CNTNAP5: variants seen among roughly 807,000 people sequenced by gnomAD.
CNTNAP5 encodes the protein contactin associated protein family member 5.
A neutral mutation model predicts 150.2 loss-of-function variants in CNTNAP5; 72 were observed. The ratio of observed to expected loss-of-function variants is 0.48; its 90% CI spans 0.40 to 0.58. The LOEUF (loss-of-function observed/expected upper bound fraction) is 0.58. Ranked by LOEUF, CNTNAP5 falls within the 20% of genes least tolerant of loss-of-function variation. CNTNAP5 has a pLI of 0.00. For missense variants in CNTNAP5, 1,636 were observed against 1,626.2 expected, an observed-to-expected ratio of 1.01 and a Z score of -0.10; for synonymous variants, 672 against 619.8, an observed-to-expected ratio of 1.08 and a Z score of -1.25.
rs1188300838 is a variant in CNTNAP5, at chr2:124,811,054, C to T, written c.3217+12734C>T. Among the ~76,000 whole-genome samples the T allele has an allele frequency of 3.9e-5, 6 of 152,108 alleles. No homozygotes were observed. The South Asian group carries it at 1.0e-3, about 26-fold the overall frequency. On this transcript the variant is annotated intron_variant, in intron 19 of 23. Coordinates refer to ENST00000682447, the MANE Select transcript of CNTNAP5 (RefSeq NM_001367498.1). ...AGAAAAGTCTGCAAGTAACAAATAC[C>T]AGCTTTATCACTTGCATGCATATAT...
At chr2:124,585,668 G>GTTT (rs1558964959) in intron 11 of CNTNAP5, among the ~76,000 whole-genome samples, 12 of 89,646 alleles carry the variant, frequency 1.3e-4, no homozygotes, top group African/African-American at 4.7e-4. Context: ...AGAGCTTGAA[G>GTTT]CTTTTTTTTT....
At chr2:124,637,347 T>C (rs552280001) in intron 12 of CNTNAP5, among the ~76,000 whole-genome samples, 2 of 152,288 alleles carry the variant, frequency 1.3e-5, no homozygotes, top group East Asian at 3.9e-4. Context: ...AGTTGTTAAA[T>C]AAAATATCCC....
chr2:124,483,798 C>T (rs534935067), intron 7 of CNTNAP5, among the ~76,000 whole-genome samples: 78 of 152,340 alleles, frequency 5.1e-4, no homozygotes, highest in Non-Finnish European at 9.4e-4. Flanking sequence ...CCTCTCTGCT[C>T]TCAGAAATTA....
intron 1 of CNTNAP5, among the ~76,000 whole-genome samples, chr2:124,125,161 G>T (rs1683658387): frequency 6.6e-6 from 1 of 152,130 alleles, no homozygotes; most frequent in Non-Finnish European, 1.5e-5. Context: ...CTGTATTCAG[G>T]AGACCCCTCT....
intron 8 of CNTNAP5, among the ~76,000 whole-genome samples, chr2:124,508,491 A>C (rs1485848742): frequency 6.6e-6 from 1 of 152,196 alleles, no homozygotes; most frequent in Non-Finnish European, 1.5e-5. Context: ...AATACAAGGA[A>C]GGCCCTGGCA....
chr2:124,495,569 C>A (rs1694123114), intron 7 of CNTNAP5, among the ~76,000 whole-genome samples: 3 of 152,168 alleles, frequency 2.0e-5, no homozygotes, highest in African/African-American at 7.2e-5. Flanking sequence ...TGTCCATGCA[C>A]CATGGCCATT....
At chr2:124,472,885 A>G (rs80351703) in intron 6 of CNTNAP5, among the ~76,000 whole-genome samples, 19,935 of 151,996 alleles carry the variant, frequency 0.13, 1,661 homozygotes, top group Non-Finnish European at 0.19. Flanking sequence ...CACAGGGCTG[A>G]CGCAAATCTT....
chr2:124,535,467 ACATT>A (rs1434302707), intron 10 of CNTNAP5, among the ~76,000 whole-genome samples: 2 of 152,106 alleles, frequency 1.3e-5, no homozygotes, highest in Admixed American at 1.3e-4. Flanking sequence ...TCTCCCACAC[ACATT>A]CATTTAAGAA....
At chr2:124,864,573 TCACACACA>T (rs10531893) in intron 19 of CNTNAP5, among the ~76,000 whole-genome samples, 7 of 149,958 alleles carry the variant, frequency 4.7e-5, no homozygotes, top group African/African-American at 1.2e-4. Flanking sequence ...TCTCTGTGTC[TCACACACA>T]CACACACACA....
intron 1 of CNTNAP5, among the ~76,000 whole-genome samples, chr2:124,031,104 C>CA (rs58734758): frequency 6.6e-5 from 10 of 151,944 alleles, no homozygotes; most frequent in South Asian, 2.1e-4. Flanking sequence ...TACCCTTTTT[C>CA]TTTGTTATCT....
chr2:124,086,823 T>C (rs951744453), intron 1 of CNTNAP5, among the ~76,000 whole-genome samples: 34 of 151,622 alleles, frequency 2.2e-4, no homozygotes, highest in African/African-American at 8.3e-4. Context: ...TATTTTAATA[T>C]ATTAGAATTT....
chr2:124,644,358 A>C (rs943201417), intron 12 of CNTNAP5, among the ~76,000 whole-genome samples: 2 of 152,188 alleles, frequency 1.3e-5, no homozygotes, highest in African/African-American at 4.8e-5. Flanking sequence ...CCACCAATGC[A>C]GCTGAGGAAG....
At chr2:124,462,538 A>T (rs1693278032) in intron 6 of CNTNAP5, among the ~76,000 whole-genome samples, 1 of 152,232 alleles carries the variant, frequency 6.6e-6, no homozygotes, top group South Asian at 2.1e-4. Flanking sequence ...AAAGGAGCAA[A>T]TGGTAACATA....
At chr2:124,424,088 C>A (rs879152026) in intron 4 of CNTNAP5, among the ~76,000 whole-genome samples, 1 of 152,216 alleles carries the variant, frequency 6.6e-6, no homozygotes, top group Non-Finnish European at 1.5e-5. Context: ...CCACACAAGA[C>A]CTTGCTCCTA....
chr2:124,552,563 A>G (rs1364687813), intron 10 of CNTNAP5, among the ~76,000 whole-genome samples: 1 of 152,198 alleles, frequency 6.6e-6, no homozygotes, highest in Non-Finnish European at 1.5e-5. Context: ...CATCAGCTGC[A>G]TGAATGTCCC....
At chr2:124,547,747 C>T (rs899570399) in intron 10 of CNTNAP5, among the ~76,000 whole-genome samples, 1 of 152,166 alleles carries the variant, frequency 6.6e-6, no homozygotes, top group African/African-American at 2.4e-5. Flanking sequence ...ATAGCAGAAG[C>T]CTTAGGCTGC....
intron 1 of CNTNAP5, among the ~76,000 whole-genome samples, chr2:124,215,909 A>T (rs1686145379): frequency 6.6e-6 from 1 of 152,184 alleles, no homozygotes; most frequent in Admixed American, 6.5e-5. Context: ...GGTGCCAGAA[A>T]ACTGGACTAG....
chr2:124,107,613 A>G (rs530192585), intron 1 of CNTNAP5, among the ~76,000 whole-genome samples: 1 of 152,330 alleles, frequency 6.6e-6, no homozygotes, highest in African/African-American at 2.4e-5. Context: ...AGTTAATCAA[A>G]TTTTTTGTTA....
Position 124,140,100 on chromosome 2 carries a change from C to A in CNTNAP5, c.83-81605C>A, listed in dbSNP as rs546514311. Among the ~76,000 whole-genome samples, 264 of 151,964 alleles carry A rather than the reference C, an allele frequency of 1.7e-3. 1 individual carries two copies. The highest frequency in any genetic ancestry group is 6.1e-3 in the African/African-American group (254 of 41,508). On this transcript the variant is annotated intron_variant, in intron 1 of 23. Transcript: ENST00000682447. ...TCAGACCGGCTTAAAAAACGGCGCA[C>A]CACGAGACTATATCCCACACCTGGC...
Sources: allele counts gnomAD v4.1 joint callset (sites outside exome capture counted in the v4.1 genomes callset), GRCh38; gene constraint gnomAD v4.1.1; transcripts MANE v1.5; gene names NCBI Gene and HGNC (gene_info 2026-07-23, HGNC 2026-07-21).